The following RBFOX3 variants were observed in gnomAD, a reference collection of about 807,000 sequenced individuals.
RBFOX3 encodes the protein RNA binding protein fox-1 homolog 3.
Under a neutral mutation model 48.7 loss-of-function variants are expected in RBFOX3, and 17 were observed. The ratio of observed to expected loss-of-function variants is 0.35; its 90% CI spans 0.24 to 0.52. RBFOX3 has a LOEUF of 0.52. RBFOX3 is among the 20% of genes least tolerant of loss of function. RBFOX3 has a pLI of 0.94. For missense variants in RBFOX3, 382 were observed against 497.5 expected (o/e 0.77, Z 2.21); for synonymous variants, 212 against 209.5 (o/e 1.01, Z -0.10).
At chr17:79,192,704 C>T (rs1035541783) in intron 4 of RBFOX3, among the ~76,000 whole-genome samples, 1 of 152,186 alleles carries the variant, frequency 6.6e-6, no homozygotes, top group African/African-American at 2.4e-5. Flanking sequence ...TCCAGCCAGA[C>T]CCTGGAGCCG....
In RBFOX3 at chr17:79,278,904, G is replaced by A. The variant is rs184759726; in HGVS notation, c.-74+28820C>T. ...GAGAGGCAGGGGAGTGGTGCCAGCA[G>A]CCGGTTCTGGTTGAGCACTTTTGTG... is the stretch of plus-strand genomic sequence containing the variant. On this transcript the variant is annotated intron_variant, in intron 3 of 14. Transcript: ENST00000693108. 2.2e-4 allele frequency among the ~76,000 whole-genome samples: 33 copies of A among 152,338 alleles called. No homozygotes were observed. In the East Asian group the frequency reaches 6.0e-3, roughly 28 times the overall value.
chr17:79,104,108 CTAAAATTT>C lies in RBFOX3; in HGVS notation c.371_378del (p.Lys124ArgfsTer7). The C allele has an allele frequency of 6.4e-7, 1 of 1,551,344 alleles. No individual in the cohort carries two copies. The highest frequency in any genetic ancestry group is 8.7e-7 in the Non-Finnish European group (1 of 1,146,918). ...CGCTCGTTAAAAATGATCTCCACGT[CTAAAATTT>C]TTCCGAATTGCTGCAGAGACAGAGA... On this transcript the variant is annotated frameshift_variant, in exon 7 of 15. Transcript: ENST00000693108. LOFTEE classifies it high-confidence loss of function.
At chr17:79,455,883 G>A (rs1414831568) in intron 2 of RBFOX3, among the ~76,000 whole-genome samples, 1 of 152,180 alleles carries the variant, frequency 6.6e-6, no homozygotes, top group Non-Finnish European at 1.5e-5. Context: ...GGTGTCCAGT[G>A]CTACGTGGCG....
intron 5 of RBFOX3, among the ~76,000 whole-genome samples, chr17:79,112,915 T>TGGGGGGG (rs1189871020): frequency 1.7e-5 from 1 of 60,178 alleles, no homozygotes; most frequent in Non-Finnish European, 3.0e-5. Context: ...GGGGGGGGGG[T>TGGGGGGG]GGGCTGGGTA....
intron 4 of RBFOX3, among the ~76,000 whole-genome samples, chr17:79,153,947 G>A (rs1188094763): frequency 1.3e-5 from 2 of 152,170 alleles, no homozygotes; most frequent in Non-Finnish European, 2.9e-5. Context: ...GTCTTGAGGG[G>A]ATGGGAGGGG....
chr17:79,133,991 T>C (rs765626000), intron 4 of RBFOX3, among the ~76,000 whole-genome samples: 4 of 152,214 alleles, frequency 2.6e-5, no homozygotes, highest in Non-Finnish European at 4.4e-5. Flanking sequence ...GCATTATTAA[T>C]GGCCCATGGT....
chr17:79,093,298 C>T (rs574521865), intron 14 of RBFOX3, among the ~76,000 whole-genome samples: 3 of 152,136 alleles, frequency 2.0e-5, no homozygotes, highest in South Asian at 4.1e-4. Context: ...CCAGTTTTCC[C>T]AGAAAAGAAC....
chr17:79,486,999 C>G (rs1175816464), intron 1 of RBFOX3, among the ~76,000 whole-genome samples: 1 of 152,222 alleles, frequency 6.6e-6, no homozygotes, highest in Non-Finnish European at 1.5e-5. Flanking sequence ...AAACAAACAT[C>G]TGGACTGCTA....
intron 4 of RBFOX3, among the ~76,000 whole-genome samples, chr17:79,138,499 G>A (rs912281829): frequency 6.6e-6 from 1 of 151,994 alleles, no homozygotes; most frequent in African/African-American, 2.4e-5. Context: ...CAGGTAATAC[G>A]TACAGCCCAC....
intron 1 of RBFOX3, among the ~76,000 whole-genome samples, chr17:79,580,223 C>T (rs1447293145): frequency 6.6e-6 from 1 of 151,042 alleles, no homozygotes; most frequent in African/African-American, 2.4e-5. Flanking sequence ...CCCAGTCCCA[C>T]CATCATTATC....
chr17:79,510,544 T>C (rs1555780609), intron 1 of RBFOX3, among the ~76,000 whole-genome samples: 1 of 152,192 alleles, frequency 6.6e-6, no homozygotes, highest in Non-Finnish European at 1.5e-5. Flanking sequence ...AGGCATCCAT[T>C]AACATTCCCC....
chr17:79,337,434 G>A (rs1598308633), intron 2 of RBFOX3, among the ~76,000 whole-genome samples: 2 of 152,168 alleles, frequency 1.3e-5, no homozygotes, highest in Admixed American at 1.3e-4. Flanking sequence ...TCAGGTCCCC[G>A]TGGGCACATG....
At chr17:79,093,790 GCCACAC>G (rs1568110695) in intron 14 of RBFOX3, among the ~76,000 whole-genome samples, 2 of 76,486 alleles carry the variant, frequency 2.6e-5, no homozygotes, top group Non-Finnish European at 5.4e-5. Flanking sequence ...TCAACAGCTG[GCCACAC>G]ACACACACAC....
rs1308891892 is a variant in RBFOX3 at position 79,542,913 on chromosome 17, TA to T, written c.-319-60316del. On this transcript the variant is annotated intron_variant, in intron 1 of 14. Transcript: ENST00000693108. ...ATAAGGGATTATCAGTCACGTGTTT[TA>T]CATGCTTTGTCCATGTGCTGGGTCT... 2.0e-5 allele frequency among the ~76,000 whole-genome samples: 3 copies of T among 152,378 alleles called. No individual in the cohort carries two copies. In the East Asian group the frequency reaches 5.8e-4, roughly 29 times the overall value.
chr17:79,305,359 C>A (rs1196378657), intron 3 of RBFOX3, among the ~76,000 whole-genome samples: 1 of 152,178 alleles, frequency 6.6e-6, no homozygotes, highest in African/African-American at 2.4e-5. Context: ...CCCAACTCCC[C>A]AGAACAGAAT....
intron 3 of RBFOX3, among the ~76,000 whole-genome samples, chr17:79,300,760 C>T (rs1215862751): frequency 6.6e-6 from 1 of 152,190 alleles, no homozygotes; most frequent in Non-Finnish European, 1.5e-5. Flanking sequence ...CTGGGGGACA[C>T]CCAGACGTGA....
At chr17:79,092,720 G>T in intron 14 of RBFOX3, 1 of 712,764 alleles carries the variant, frequency 1.4e-6, no homozygotes, top group South Asian at 6.3e-5. Context: ...AAAAAAAAAA[G>T]GAAAAACAAA....
intron 11 of RBFOX3, 117 bp downstream of exon 11, chr17:79,097,175 C>A: frequency 5.4e-6 from 4 of 739,224 alleles, no homozygotes; most frequent in Non-Finnish European, 7.9e-6. Context: ...CACGATCCTC[C>A]CCCCCCCCAG....
chr17:79,431,022 C>T (rs2148882103), intron 2 of RBFOX3, among the ~76,000 whole-genome samples: 1 of 152,200 alleles, frequency 6.6e-6, no homozygotes, highest in Non-Finnish European at 1.5e-5. Context: ...TCTCTGTGGC[C>T]AGAAGAACAA....
Sources: allele counts gnomAD v4.1 joint callset (sites outside exome capture counted in the v4.1 genomes callset), GRCh38; gene constraint gnomAD v4.1.1; transcripts MANE v1.5; gene names NCBI Gene and HGNC (gene_info 2026-07-23, HGNC 2026-07-21).